Variants in TRPS1 observed in about 807,000 individuals in gnomAD.
TRPS1 encodes the protein transcriptional repressor GATA binding 1.
A neutral mutation model predicts 101.2 loss-of-function variants in TRPS1; 6 were observed. The observed-to-expected ratio is 0.06, with a 90% confidence interval of 0.03 to 0.12. The LOEUF is 0.12. Ranked by LOEUF, TRPS1 falls within the 10% of genes least tolerant of loss-of-function variation. The pLI is 1.00. For synonymous variants in TRPS1, 578 were observed against 589.8 expected, an observed-to-expected ratio of 0.98 and a Z score of 0.29; for missense variants, 1,363 against 1,567.0, an observed-to-expected ratio of 0.87 and a Z score of 2.20.
intron 4 of TRPS1, among the ~76,000 whole-genome samples, chr8:115,598,541 T>C (rs1002740318): frequency 3.9e-5 from 6 of 152,128 alleles, no homozygotes; most frequent in Non-Finnish European, 8.8e-5. Flanking sequence ...CTCAAACTTC[T>C]GGGTTCAAGC....
At chr8:115,603,363 G>T (rs867436030) in intron 4 of TRPS1, among the ~76,000 whole-genome samples, 1 of 152,108 alleles carries the variant, frequency 6.6e-6, no homozygotes, top group African/African-American at 2.4e-5. Flanking sequence ...CTGTTTGTAT[G>T]CTAAACAAGG....
At chr8:115,548,292 A>G (rs192560155) in intron 5 of TRPS1, among the ~76,000 whole-genome samples, 19 of 152,254 alleles carry the variant, frequency 1.2e-4, no homozygotes, top group Non-Finnish European at 1.9e-4. Context: ...TGGGCATTTT[A>G]GAAACCAAAT....
chr8:115,540,145 A>G (rs573104937), intron 5 of TRPS1, among the ~76,000 whole-genome samples: 1 of 152,336 alleles, frequency 6.6e-6, no homozygotes, highest in East Asian at 1.9e-4. Flanking sequence ...AAATTCCATC[A>G]TGGAAGAAAG....
intron 1 of TRPS1, among the ~76,000 whole-genome samples, chr8:115,630,997 G>A (rs1478572570): frequency 6.6e-6 from 1 of 152,042 alleles, no homozygotes; most frequent in Non-Finnish European, 1.5e-5. Context: ...CTATAGTTAC[G>A]TCAAGTGAAT....
At chr8:115,479,142 A>AT (rs1814689221) in intron 5 of TRPS1, among the ~76,000 whole-genome samples, 1 of 152,064 alleles carries the variant, frequency 6.6e-6, no homozygotes, top group African/African-American at 2.4e-5. Flanking sequence ...TCATTAAACA[A>AT]TAAGTACAAC....
chr8:115,550,785 T>C (rs1318018244), intron 5 of TRPS1, among the ~76,000 whole-genome samples: 4 of 152,226 alleles, frequency 2.6e-5, no homozygotes, highest in Non-Finnish European at 5.9e-5. Flanking sequence ...TTGACTATGT[T>C]AAGTTTAACC....
In TRPS1 at chr8:115,488,782, AT is replaced by A. The variant is rs558398663; in HGVS notation, c.2701-70331del. On this transcript the variant is annotated intron_variant, in intron 5 of 6. Coordinates refer to ENST00000395715, the MANE Select transcript of TRPS1 (RefSeq NM_014112.5). ...TTCTCACTCAAGATAATATTGGAGAATTCATACTAAAAGGCAGAAAACAGAT... is the reference window on the plus strand; with the variant it reads ...TTCTCACTCAAGATAATATTGGAGAATCATACTAAAAGGCAGAAAACAGAT... Among the ~76,000 whole-genome samples the A allele has an allele frequency of 2.4e-4, 37 of 152,346 alleles. No homozygotes were observed. The South Asian group carries it at 7.0e-3, about 29-fold the overall frequency.
At chr8:115,644,503 A>C (rs1403925082) in intron 1 of TRPS1, among the ~76,000 whole-genome samples, 2 of 152,230 alleles carry the variant, frequency 1.3e-5, no homozygotes, top group Admixed American at 1.3e-4. Flanking sequence ...CTGTGCCCTG[A>C]GGGAATGTCG....
In TRPS1 at chr8:115,414,137, C is replaced by A; in HGVS notation, c.3771G>T (p.Gln1257His). The A allele has an allele frequency of 6.2e-7, 1 of 1,614,002 alleles. No homozygotes were observed. Among genetic ancestry groups the A allele is most frequent in the Non-Finnish European group, 8.5e-7 (1 of 1,179,938 alleles). The part of the protein sequence containing the change: ...MSCHGDSGPF[Q>H]CSICQHLCTD... ...TGCAAAGATGCTGGCATATGCTGCA[C>A]TGGAAAGGTCCACTGTCACCATGGC... Residue 1257 changes from glutamine to histidine, a missense_variant, in exon 7 of 7, where the codon CAG becomes CAT. By Grantham distance (24) the Gln-to-His change is conservative. Around this residue, in one of 5 missense-constraint regions of TRPS1, gnomAD observed 307 missense variants for 392.4 expected, o/e 0.78. Transcript: ENST00000395715. The surrounding 1 kb of genome is among the most constrained non-coding windows in gnomAD (Gnocchi z 4.8).
chr8:115,623,848 C>T lies in TRPS1; in HGVS notation c.-121-90G>A, dbSNP rs112087513. ...CACCTAAAATATATTAATATGCTGG[C>T]ATCATAGGCTGCCTGAAAGATATAA... On this transcript the variant is annotated intron_variant, in intron 1 of 6. Coordinates refer to ENST00000395715, the MANE Select transcript of TRPS1 (RefSeq NM_014112.5). 9.6e-4 allele frequency: 1,168 copies of T among 1,222,098 alleles called. 8 individuals carry two copies. In the African/African-American group the frequency reaches 0.016, roughly 16 times the overall value. The allele number at this position is 1,222,098 out of a possible 1,614,324, so 75.7% of individuals were successfully genotyped here.
chr8:115,587,029 G>A lies in TRPS1; in HGVS notation c.2672C>T (p.Ser891Phe). 6.2e-7 allele frequency: 1 copy of A among 1,614,158 alleles called. No homozygotes were observed. Reference sequence around the variant, plus strand: ...TAACAGGGACTGGGATTCATCCTTGGACTTGTTTTCTCCCGATGCAGGATA... The same window carrying A: ...TAACAGGGACTGGGATTCATCCTTGAACTTGTTTTCTCCCGATGCAGGATA... Reference protein sequence around the residue: ...QQYPASGENKSKDESQSLLRR... With the variant: ...QQYPASGENKFKDESQSLLRR... The change falls in exon 5 of 7, where the codon TCC becomes TTC. Residue 891 changes from serine to phenylalanine, a missense_variant. This residue lies in a region of TRPS1 where 22 missense variants were observed against 37.9 expected (regional missense o/e 0.58). Transcript: ENST00000395715.
chr8:115,619,341 T>C lies in TRPS1; in HGVS notation c.757A>G (p.Ile253Val). 3 of 1,614,236 alleles carry C rather than the reference T, an allele frequency of 1.9e-6. No homozygotes were observed. The highest frequency in any genetic ancestry group is 2.5e-6 in the Non-Finnish European group (3 of 1,180,036). Residue 253 changes from isoleucine to valine, a missense_variant, in exon 3 of 7, where the codon ATT (isoleucine) becomes GTT (valine). Ile to Val is a conservative substitution (Grantham distance 29). Transcript: ENST00000395715. ...GYYGNDPTDL[I>V]KHFRKYHLGL... is the part of the protein sequence containing the mutation. ...AAGTGATACTTTCGGAAGTGCTTAA[T>C]CAGATCTGTGGGGTCGTTGCCGTAG...
chr8:115,622,674 G>T (rs1240131513), intron 2 of TRPS1, among the ~76,000 whole-genome samples: 1 of 152,002 alleles, frequency 6.6e-6, no homozygotes, highest in African/African-American at 2.4e-5. Context: ...TTCTTAAGAT[G>T]ACTAGAACTT....
chr8:115,618,973 A>G (rs886069090), intron 3 of TRPS1, among the ~76,000 whole-genome samples, 159 bp downstream of exon 3: 1 of 152,216 alleles, frequency 6.6e-6, no homozygotes, highest in African/African-American at 2.4e-5. Context: ...AACTCTGAAT[A>G]TACTTGTATG....
intron 5 of TRPS1, among the ~76,000 whole-genome samples, chr8:115,560,422 G>A (rs1320622537): frequency 2.0e-5 from 3 of 152,202 alleles, no homozygotes; most frequent in South Asian, 4.1e-4. Context: ...TAACAACCAC[G>A]TTGCTAAGGT....
At chr8:115,561,764 C>A (rs1166005334) in intron 5 of TRPS1, among the ~76,000 whole-genome samples, 2 of 151,860 alleles carry the variant, frequency 1.3e-5, no homozygotes, top group African/African-American at 4.8e-5. Flanking sequence ...AAGTACCCAA[C>A]CTGTTCTGAC....
intron 1 of TRPS1, among the ~76,000 whole-genome samples, chr8:115,656,369 G>A (rs1287105081): frequency 6.6e-6 from 1 of 152,042 alleles, no homozygotes; most frequent in Admixed American, 6.6e-5. Flanking sequence ...TCAGATTAAA[G>A]TCTCCACTCT....
At chr8:115,629,483 C>A (rs1818590481) in intron 1 of TRPS1, among the ~76,000 whole-genome samples, 1 of 151,850 alleles carries the variant, frequency 6.6e-6, no homozygotes, top group African/African-American at 2.4e-5. Flanking sequence ...TCAATGTTAT[C>A]TTTGAGCTAA....
At chr8:115,528,639 A>G (rs979926612) in intron 5 of TRPS1, among the ~76,000 whole-genome samples, 28 of 152,094 alleles carry the variant, frequency 1.8e-4, no homozygotes, top group African/African-American at 5.8e-4. Flanking sequence ...AGGGTAATAA[A>G]TGATAATTGA....
Sources: gnomAD v4.1 joint callset for allele counts (sites outside exome capture counted in the v4.1 genomes callset) on GRCh38, gnomAD v4.1.1 for gene constraint, gnomAD v4.1.1 regional missense constraint, Gnocchi (gnomAD v3.1) non-coding constraint, MANE v1.5 for transcripts, NCBI Gene and HGNC (gene_info 2026-07-23, HGNC 2026-07-21) for gene names.